RTN4IP1: variants seen among roughly 807,000 people sequenced by gnomAD.
RTN4IP1 encodes reticulon 4 interacting protein 1.
Under a neutral mutation model 46.6 loss-of-function variants are expected in RTN4IP1, and 32 were observed. That is an observed-to-expected ratio of 0.69 (90% CI 0.52 to 0.92). RTN4IP1 has a LOEUF of 0.92. Among genes scored for constraint, RTN4IP1 ranks in the 40% least tolerant of loss-of-function variants. The probability of loss-of-function intolerance (pLI) is 0.00; values close to 1 mark genes in which losing one functional copy is unlikely to be tolerated. For synonymous variants in RTN4IP1, 167 were observed against 161.8 expected (o/e 1.03, Z -0.24); for missense variants, 424 against 485.8 (o/e 0.87, Z 1.20).
chr6:106,623,286 C>G (rs543245808), intron 1 of RTN4IP1, among the ~76,000 whole-genome samples: 4 of 152,122 alleles, frequency 2.6e-5, no homozygotes, highest in Non-Finnish European at 5.9e-5. Flanking sequence ...GGGCCATTAT[C>G]CTTAGCAAAT....
intron 4 of RTN4IP1, among the ~76,000 whole-genome samples, chr6:106,614,665 A>T (rs1776305706): frequency 6.6e-6 from 1 of 152,186 alleles, no homozygotes; most frequent in African/African-American, 2.4e-5. Context: ...CCATACGAAA[A>T]GTAAGTATTT....
chr6:106,582,304 A>G (rs17067395), intron 8 of RTN4IP1, among the ~76,000 whole-genome samples: 11,055 of 152,254 alleles, frequency 0.073, 586 homozygotes, highest in East Asian at 0.2. Flanking sequence ...GCTCTGTCCA[A>G]GTGTCTCAGA....
intron 5 of RTN4IP1, among the ~76,000 whole-genome samples, chr6:106,598,706 T>A (rs1418041546): frequency 6.6e-6 from 1 of 151,796 alleles, no homozygotes. Context: ...TTTAATTAGA[T>A]CCCATTTGTC....
intron 4 of RTN4IP1, among the ~76,000 whole-genome samples, chr6:106,615,974 C>T (rs1218937815): frequency 1.3e-5 from 2 of 151,316 alleles, no homozygotes; most frequent in African/African-American, 2.4e-5. Context: ...GCTGGAGTAC[C>T]GTTGCGCAAT....
intron 8 of RTN4IP1, among the ~76,000 whole-genome samples, chr6:106,580,024 C>A (rs1475329323): frequency 2.0e-5 from 3 of 151,836 alleles, no homozygotes; most frequent in South Asian, 2.1e-4. Flanking sequence ...ACCATCCTGG[C>A]TAACACGGTG....
At chr6:106,583,472 C>T (rs774629024) in intron 7 of RTN4IP1, 52 bp from the exon 8 acceptor site, 4 of 1,429,780 alleles carry the variant, frequency 2.8e-6, no homozygotes, top group East Asian at 4.6e-5. Context: ...TAAAATCTGA[C>T]TAAATGCAGA....
chr6:106,629,420 C>T lies in RTN4IP1; in HGVS notation c.-399G>A, dbSNP rs549125657. On this transcript the variant is annotated 5_prime_UTR_variant, in exon 1 of 9. Transcript: ENST00000369063. ...CGCGATCCAACGCCAGAGAATCGAA[C>T]GCTTGCCGACTGCCGCCGCGACCCT... The T allele has an allele frequency of 4.5e-5, 26 of 581,664 alleles. No individual in the cohort carries two copies. The highest frequency in any genetic ancestry group is 4.3e-4 in the African/African-American group (23 of 53,324). 36.0% of individuals were successfully genotyped at this position (581,664 alleles called of 1,614,324 possible). A position where few individuals can be genotyped will look rare whatever the true frequency, so the allele number is the denominator to read the frequency against.
chr6:106,624,571 A>G (rs1308297407), intron 1 of RTN4IP1, among the ~76,000 whole-genome samples: 3 of 149,066 alleles, frequency 2.0e-5, no homozygotes, highest in Non-Finnish European at 4.5e-5. Context: ...TCCTAGGCTC[A>G]AGCGATCCAC....
chr6:106,586,442 A>G (rs765582908), intron 7 of RTN4IP1, among the ~76,000 whole-genome samples: 5 of 151,738 alleles, frequency 3.3e-5, no homozygotes, highest in Non-Finnish European at 7.4e-5. Flanking sequence ...TGGCACGATC[A>G]TGGCTCACAC....
chr6:106,593,066 C>T (rs1775702563), intron 5 of RTN4IP1, among the ~76,000 whole-genome samples: 1 of 152,126 alleles, frequency 6.6e-6, no homozygotes. Context: ...ATTTGCATCT[C>T]TAATAAGTGT....
chr6:106,576,334 TA>T (rs1436467293), intron 8 of RTN4IP1, among the ~76,000 whole-genome samples: 8 of 152,202 alleles, frequency 5.3e-5, no homozygotes, highest in African/African-American at 1.9e-4. Flanking sequence ...TAGGTACCCC[TA>T]AAAAATGCAC....
chr6:106,624,350 G>A (rs1320010517), intron 1 of RTN4IP1, among the ~76,000 whole-genome samples: 3 of 151,710 alleles, frequency 2.0e-5, no homozygotes, highest in Admixed American at 1.3e-4. Context: ...CACTGCACCC[G>A]GCCTATTTTA....
In RTN4IP1 at chr6:106,592,314, A is replaced by T; in HGVS notation, c.670-14T>A. The stretch of plus-strand genomic sequence containing the variant: ...TGCTTTCATTACCTGCCCCCCACCA[A>T]AAAGAAAAAAAGAATAAAAAAGGGA... On this transcript the variant is annotated splice_polypyrimidine_tract_variant and intron_variant, in intron 5 of 8. Transcript: ENST00000369063. 6.3e-7 allele frequency: 1 copy of T among 1,599,636 alleles called. No individual in the cohort carries two copies. The highest frequency in any genetic ancestry group is 1.1e-5 in the South Asian group (1 of 87,798).
In RTN4IP1 at chr6:106,622,671, G is replaced by T. The variant is rs568352711; in HGVS notation, c.426+147C>A. On this transcript the variant is annotated intron_variant, in intron 2 of 8. Transcript: ENST00000369063. Reference sequence around the variant, plus strand: ...ATAAATGCAAACTTTGTCAGTTTAGGGGGCAGATGCTGCAGATTCAGGGAG... The same window carrying T: ...ATAAATGCAAACTTTGTCAGTTTAGTGGGCAGATGCTGCAGATTCAGGGAG... The T allele has an allele frequency of 4.4e-5, 33 of 754,872 alleles. No individual in the cohort carries two copies. The South Asian group carries it at 6.1e-4, about 14-fold the overall frequency. 46.8% of individuals were successfully genotyped at this position (754,872 alleles called of 1,614,324 possible). A position where few individuals can be genotyped will look rare whatever the true frequency, so the allele number is the denominator to read the frequency against.
At chr6:106,587,550 A>T in intron 7 of RTN4IP1, 129 bp downstream of exon 7, 1 of 767,310 alleles carries the variant, frequency 1.3e-6, no homozygotes, top group Non-Finnish European at 2.1e-6. Flanking sequence ...AGTCACTGTG[A>T]CTGCAGAGTC....
intron 5 of RTN4IP1, among the ~76,000 whole-genome samples, chr6:106,592,937 A>C (rs964475323): frequency 4.0e-4 from 61 of 152,236 alleles, no homozygotes; most frequent in African/African-American, 1.5e-3. Context: ...CTCAAAAAAA[A>C]AAAAGCCTCA....
intron 7 of RTN4IP1, 155 bp from the exon 8 acceptor site, chr6:106,583,575 G>A (rs1369654519): frequency 1.7e-6 from 1 of 596,736 alleles, no homozygotes; most frequent in Non-Finnish European, 3.0e-6. Flanking sequence ...CACAATGACT[G>A]ACAGAGAATG....
At chr6:106,575,943 C>A (rs1256700474) in intron 8 of RTN4IP1, among the ~76,000 whole-genome samples, 2 of 152,144 alleles carry the variant, frequency 1.3e-5, no homozygotes, top group African/African-American at 4.8e-5. Context: ...TGTGAGGGGA[C>A]ACTGACAGGT....
chr6:106,622,735 T>C, intron 2 of RTN4IP1, 83 bp downstream of exon 2: 1 of 1,414,010 alleles, frequency 7.1e-7, no homozygotes. Flanking sequence ...AAAGTATCTG[T>C]GTCAGTGTGC....
Sources: gnomAD v4.1 joint callset for allele counts (sites outside exome capture counted in the v4.1 genomes callset) on GRCh38, gnomAD v4.1.1 for gene constraint, MANE v1.5 for transcripts, NCBI Gene and HGNC (gene_info 2026-07-23, HGNC 2026-07-21) for gene names.